The following MDGA2 variants were observed in gnomAD, a reference collection of about 807,000 sequenced individuals.
The protein encoded by MDGA2 is MAM domain-containing glycosylphosphatidylinositol anchor protein 2.
In MDGA2, 40 loss-of-function variants were observed where a neutral mutation model predicts 117.8. The ratio of observed to expected loss-of-function variants is 0.34; its 90% CI spans 0.26 to 0.44. The LOEUF is 0.44. Ranked by LOEUF, MDGA2 falls within the 20% of genes least tolerant of loss-of-function variation. The pLI, the probability that MDGA2 is intolerant of heterozygous loss-of-function variation, is 1.00. For synonymous variants in MDGA2, 452 were observed against 439.0 expected (o/e 1.03, Z -0.37); for missense variants, 1,123 against 1,250.6 (o/e 0.90, Z 1.54).
intron 8 of MDGA2, among the ~76,000 whole-genome samples, chr14:46,960,187 C>T (rs1427738500): frequency 6.6e-6 from 1 of 152,046 alleles, no homozygotes; most frequent in African/African-American, 2.4e-5. Flanking sequence ...CACCGCTGCA[C>T]TCCAGCCTGG....
chr14:47,028,532 G>A (rs1202050810), intron 8 of MDGA2, among the ~76,000 whole-genome samples: 3 of 152,112 alleles, frequency 2.0e-5, no homozygotes, highest in Non-Finnish European at 4.4e-5. Context: ...TCAAAATGAA[G>A]TTTTACTTTG....
chr14:47,368,954 T>C (rs1891287650), intron 1 of MDGA2, among the ~76,000 whole-genome samples: 1 of 152,132 alleles, frequency 6.6e-6, no homozygotes, highest in Admixed American at 6.6e-5. Flanking sequence ...TAAATACTTA[T>C]TACTTCTTTT....
chr14:47,523,173 C>T (rs1242804006), intron 1 of MDGA2, among the ~76,000 whole-genome samples: 3 of 151,868 alleles, frequency 2.0e-5, no homozygotes, highest in Non-Finnish European at 2.9e-5. Flanking sequence ...CCAAAAAGGA[C>T]GAAAGAAAAA....
chr14:47,344,217 A>G (rs1342849420), intron 1 of MDGA2, among the ~76,000 whole-genome samples: 1 of 152,188 alleles, frequency 6.6e-6, no homozygotes, highest in East Asian at 1.9e-4. Context: ...TGGCATGTGC[A>G]TAAGTCAAAT....
intron 9 of MDGA2, among the ~76,000 whole-genome samples, chr14:46,954,814 TATATATG>T (rs1885501815): frequency 6.6e-6 from 1 of 152,120 alleles, no homozygotes; most frequent in Admixed American, 6.6e-5. Flanking sequence ...CTTCCTAAAA[TATATATG>T]ATTTATTTTC....
chr14:47,066,415 T>C (rs778446266), intron 6 of MDGA2, among the ~76,000 whole-genome samples: 9 of 152,146 alleles, frequency 5.9e-5, no homozygotes, highest in Non-Finnish European at 8.8e-5. Context: ...GGAAATAGAA[T>C]AGGAAAAAGA....
chr14:47,064,253 G>A (rs915798831), intron 6 of MDGA2, among the ~76,000 whole-genome samples: 12 of 151,790 alleles, frequency 7.9e-5, no homozygotes, highest in African/African-American at 2.9e-4. Context: ...TCTATGATTT[G>A]GCCTAAGTCA....
intron 1 of MDGA2, among the ~76,000 whole-genome samples, chr14:47,459,465 A>G (rs575672101): frequency 8.7e-5 from 13 of 148,860 alleles, no homozygotes; most frequent in African/African-American, 3.0e-4. Context: ...TCTTCCTTCC[A>G]TCTTTTCCTT....
intron 3 of MDGA2, among the ~76,000 whole-genome samples, chr14:47,196,126 A>G (rs1328178738): frequency 2.0e-5 from 3 of 152,110 alleles, no homozygotes; most frequent in Non-Finnish European, 4.4e-5. Flanking sequence ...ATTTTTAAAA[A>G]GTGTTTTCTG....
At chr14:47,479,133 T>C (rs1384195113) in intron 1 of MDGA2, among the ~76,000 whole-genome samples, 1 of 152,188 alleles carries the variant, frequency 6.6e-6, no homozygotes, top group Non-Finnish European at 1.5e-5. Flanking sequence ...CAGAAATAAT[T>C]TGAAATAGAT....
chr14:46,843,774 A>C (rs188698467), intron 16 of MDGA2, among the ~76,000 whole-genome samples: 2 of 152,284 alleles, frequency 1.3e-5, no homozygotes, highest in Admixed American at 6.5e-5. Flanking sequence ...TTCTCACTAA[A>C]TATAGAAAAT....
At chr14:47,305,571 T>C (rs144446647) in intron 1 of MDGA2, among the ~76,000 whole-genome samples, 3 of 152,266 alleles carry the variant, frequency 2.0e-5, no homozygotes, top group East Asian at 1.9e-4. Flanking sequence ...TCTGGAGAAA[T>C]AGTACAAATA....
intron 7 of MDGA2, among the ~76,000 whole-genome samples, chr14:47,042,896 TA>T (rs1043697056): frequency 6.6e-6 from 1 of 152,106 alleles, no homozygotes; most frequent in Non-Finnish European, 1.5e-5. Flanking sequence ...ATAATTATCA[TA>T]TACCTCACAG....
At chr14:47,392,882 C>T (rs1891928062) in intron 1 of MDGA2, among the ~76,000 whole-genome samples, 1 of 152,024 alleles carries the variant, frequency 6.6e-6, no homozygotes, top group Admixed American at 6.6e-5. Flanking sequence ...AGAAAAAGCT[C>T]AGAAGCATGG....
intron 5 of MDGA2, among the ~76,000 whole-genome samples, chr14:47,115,201 T>C (rs573660327): frequency 6.6e-6 from 1 of 152,228 alleles, no homozygotes; most frequent in South Asian, 2.1e-4. Flanking sequence ...ATTCCAGAAG[T>C]AATTTTATAA....
Position 46,922,828 on chromosome 14 carries a change from A to G in MDGA2, c.2090-2668T>C, listed in dbSNP as rs191650229. On this transcript the variant is annotated intron_variant, in intron 9 of 16. Transcript: ENST00000399232. ...AGACTGGCAGCAGCATGCCTGATCC[A>G]ACAGCCAGGATCTCTCTGGGGCAAG... Among the ~76,000 whole-genome samples, 324 of 152,320 alleles carry G rather than the reference A, an allele frequency of 2.1e-3. 4 individuals are homozygous for G. Among genetic ancestry groups the G allele is most frequent in the South Asian group, 8.9e-3 (43 of 4,820 alleles).
At chr14:47,103,718 C>G (rs780124851) in intron 5 of MDGA2, among the ~76,000 whole-genome samples, 3 of 152,136 alleles carry the variant, frequency 2.0e-5, no homozygotes, top group African/African-American at 7.2e-5. Context: ...GGAAGAGATG[C>G]GATTCATATG....
intron 1 of MDGA2, among the ~76,000 whole-genome samples, chr14:47,582,186 C>G (rs745718396): frequency 7.2e-5 from 11 of 151,764 alleles, no homozygotes; most frequent in Non-Finnish European, 1.3e-4. Context: ...AGTATTATGG[C>G]ACACACTGCT....
chr14:47,633,659 A>C (rs1033932641), intron 1 of MDGA2, among the ~76,000 whole-genome samples: 2 of 152,230 alleles, frequency 1.3e-5, no homozygotes, highest in African/African-American at 4.8e-5. Flanking sequence ...AGTAATTTCC[A>C]GTGAACTACA....
Sources: gnomAD v4.1 joint callset for allele counts (sites outside exome capture counted in the v4.1 genomes callset) on GRCh38, gnomAD v4.1.1 for gene constraint, MANE v1.5 for transcripts, NCBI Gene and HGNC (gene_info 2026-07-23, HGNC 2026-07-21) for gene names.